Variants in MECR observed in about 807,000 individuals in gnomAD.
The protein encoded by MECR is enoyl-[acyl-carrier-protein] reductase, mitochondrial.
MECR carries 37 observed loss-of-function variants against 49.1 expected under a neutral mutation model. The observed-to-expected ratio is 0.75, with a 90% CI of 0.58 to 0.99. MECR has a LOEUF of 0.99. MECR is among the 50% of genes least tolerant of loss of function. The pLI is 0.00. For synonymous variants in MECR, 198 were observed against 191.1 expected (o/e 1.04, Z -0.30); for missense variants, 470 against 479.6 (o/e 0.98, Z 0.19).
the MECR span, chr1:29,168,478 G>T: frequency 6.6e-6 from 1 of 152,122 alleles, no homozygotes. Context: ...ATGGGGTAAA[G>T]TCTCTAGAGA....
At chr1:29,181,797 A>AGGC in the MECR span, 1 of 1,498,532 alleles carries the variant, frequency 6.7e-7, no homozygotes, top group Non-Finnish European at 8.9e-7. Flanking sequence ...AGCCCCCCTT[A>AGGC]GGCGGCGGCG....
chr1:29,186,575 A>T, the MECR span, among the ~76,000 whole-genome samples: 1 of 152,220 alleles, frequency 6.6e-6, no homozygotes, highest in Non-Finnish European at 1.5e-5. Flanking sequence ...AGCGTTTAAA[A>T]TACTTATTGA....
the MECR span, among the ~76,000 whole-genome samples, chr1:29,173,788 T>C: frequency 1.6e-4 from 24 of 152,004 alleles, no homozygotes; most frequent in East Asian, 2.5e-3. Context: ...ATAGGCTAAA[T>C]AGACAAGCCT....
At chr1:29,196,386 G>T (rs1199388633) in intron 7 of MECR, 128 bp from the exon 8 acceptor site, 1 of 857,846 alleles carries the variant, frequency 1.2e-6, no homozygotes, top group African/African-American at 1.7e-5. Context: ...TCTGGGAAAG[G>T]TTGAAAAATA....
chr1:29,215,712 A>G (rs1400392842), intron 3 of MECR, among the ~76,000 whole-genome samples: 1 of 151,044 alleles, frequency 6.6e-6, no homozygotes, highest in Non-Finnish European at 1.5e-5. Flanking sequence ...CTCTACTAAC[A>G]ATACAAAAAT....
intron 3 of MECR, among the ~76,000 whole-genome samples, chr1:29,208,619 T>C (rs2319207): frequency 0.12 from 17,541 of 152,186 alleles, 1,377 homozygotes; most frequent in East Asian, 0.41. Flanking sequence ...GAACCCCTCA[T>C]GCAACAGGGG....
intron 7 of MECR, 71 bp from the exon 8 acceptor site, chr1:29,196,329 G>A (rs1222872830): frequency 1.6e-5 from 22 of 1,343,780 alleles, no homozygotes; most frequent in Middle Eastern, 1.9e-4. Flanking sequence ...CTGCCATGGC[G>A]CTTCTACTCC....
the MECR span, among the ~76,000 whole-genome samples, chr1:29,186,633 G>A: frequency 6.6e-6 from 1 of 152,312 alleles, no homozygotes. Context: ...ATGGCCTCCT[G>A]ATTCTGCCTT....
At position 29,230,883 on chromosome 1, in the gene MECR, C is replaced by G; in HGVS notation, c.24G>C (p.Trp8Cys). Reference protein sequence around the residue: MWVCSTLWRVRTPARQWR... With the variant: MWVCSTLCRVRTPARQWR... ...ACTGCCGGGCGGGGGTTCGCACCCG[C>G]CACAGGGTACTGCAGACCCACATGC... Residue 8 changes from tryptophan (W) to cysteine (C), a missense_variant, in exon 1 of 10, where the codon TGG becomes TGC. Coordinates refer to ENST00000263702, the MANE Select transcript of MECR (RefSeq NM_016011.5). The G allele has an allele frequency of 6.2e-7, 1 of 1,609,256 alleles. No homozygotes were observed. The highest frequency in any genetic ancestry group is 2.2e-5 in the East Asian group (1 of 44,866).
intron 4 of MECR, among the ~76,000 whole-genome samples, chr1:29,206,521 G>A (rs1264673056): frequency 1.3e-5 from 2 of 152,192 alleles, no homozygotes; most frequent in African/African-American, 2.4e-5. Flanking sequence ...TCAATCCCAA[G>A]CTCTAGAGAA....
At chr1:29,191,264 C>T (rs1381760036), downstream of MECR, among the ~76,000 whole-genome samples, 2 of 152,160 alleles carry the variant, frequency 1.3e-5, no homozygotes, top group Non-Finnish European at 2.9e-5. Flanking sequence ...TCAGGCTCAC[C>T]ACTCTCCCTA....
In MECR at chr1:29,210,840, T is replaced by C. The variant is rs145673589; in HGVS notation, c.407-3935A>G. Reference sequence around the variant, plus strand: ...TGTGAAATGCAGAGAGTAACACTTATGTCATAGTGTGAAGATTAAACTAAA... The same window carrying C: ...TGTGAAATGCAGAGAGTAACACTTACGTCATAGTGTGAAGATTAAACTAAA... On this transcript the variant is annotated intron_variant, in intron 3 of 9. Coordinates refer to ENST00000263702, the MANE Select transcript of MECR (RefSeq NM_016011.5). 7.3e-4 allele frequency among the ~76,000 whole-genome samples: 111 copies of C among 152,364 alleles called. 1 individual carries two copies. Among genetic ancestry groups the C allele is most frequent in the African/African-American group, 2.3e-3 (97 of 41,588 alleles).
At chr1:29,172,642 C>T in the MECR span, 1 of 152,210 alleles carries the variant, frequency 6.6e-6, no homozygotes, top group Non-Finnish European at 1.5e-5. Context: ...ATCACACGGG[C>T]ATGCTCATAC....
the MECR span, among the ~76,000 whole-genome samples, chr1:29,178,130 C>T: frequency 6.6e-6 from 1 of 151,960 alleles, no homozygotes; most frequent in South Asian, 2.1e-4. Flanking sequence ...AAACCCCTGA[C>T]TTCAAGTGAT....
the MECR span, among the ~76,000 whole-genome samples, chr1:29,174,481 CAT>C: frequency 5.9e-5 from 9 of 152,116 alleles, no homozygotes; most frequent in East Asian, 9.6e-4. Context: ...CATTAAATAA[CAT>C]ATGTATGTTG....
At chr1:29,181,636 C>T in the MECR span, 14 of 1,579,208 alleles carry the variant, frequency 8.9e-6, no homozygotes, top group South Asian at 1.1e-5. Context: ...CCCTCTTTCG[C>T]CCTCCTCACC....
intron 7 of MECR, among the ~76,000 whole-genome samples, chr1:29,198,473 C>G (rs1488290530): frequency 6.6e-6 from 1 of 152,238 alleles, no homozygotes; most frequent in Non-Finnish European, 1.5e-5. Context: ...CTTCCCCCTG[C>G]AATGACATTG....
chr1:29,211,826 C>T (rs2151885684), intron 3 of MECR, among the ~76,000 whole-genome samples: 1 of 152,320 alleles, frequency 6.6e-6, no homozygotes, highest in South Asian at 2.1e-4. Flanking sequence ...CTGGTCTGGT[C>T]TCCCCTGGGA....
downstream of MECR, among the ~76,000 whole-genome samples, chr1:29,191,337 T>C: frequency 6.6e-6 from 1 of 152,030 alleles, no homozygotes; most frequent in East Asian, 1.9e-4. Context: ...AGAGTCTCTC[T>C]CTCTTGCCCA....
Sources: gnomAD v4.1 joint callset for allele counts (sites outside exome capture counted in the v4.1 genomes callset) on GRCh38, gnomAD v4.1.1 for gene constraint, MANE v1.5 for transcripts, NCBI Gene and HGNC (gene_info 2026-07-23, HGNC 2026-07-21) for gene names.